Variants in PTPRT observed in about 807,000 individuals in gnomAD.
The protein encoded by PTPRT is receptor-type tyrosine-protein phosphatase T.
A neutral mutation model predicts 176.8 loss-of-function variants in PTPRT; 56 were observed. The observed-to-expected ratio is 0.32, with a 90% CI of 0.26 to 0.40. The LOEUF is 0.40. Ranked by LOEUF, PTPRT falls within the 10% of genes least tolerant of loss-of-function variation. The pLI is 1.00. For missense variants in PTPRT, 1,540 were observed against 1,908.2 expected (o/e 0.81, Z 3.60); for synonymous variants, 783 against 739.0 (o/e 1.06, Z -0.96).
chr20:43,064,735 G>A (rs939381981), intron 1 of PTPRT, among the ~76,000 whole-genome samples: 2 of 152,272 alleles, frequency 1.3e-5, no homozygotes, highest in South Asian at 2.1e-4. Flanking sequence ...CATGTCTCAA[G>A]CCACCTCTGG....
intron 5 of PTPRT, among the ~76,000 whole-genome samples, chr20:42,761,232 C>T (rs1478206287): frequency 6.6e-6 from 1 of 151,608 alleles, no homozygotes; most frequent in East Asian, 1.9e-4. Context: ...GTAGGGAGTT[C>T]AAGACCAGCC....
intron 7 of PTPRT, among the ~76,000 whole-genome samples, chr20:42,523,980 T>C (rs1009390798): frequency 1.3e-5 from 2 of 151,762 alleles, no homozygotes; most frequent in African/African-American, 2.4e-5. Flanking sequence ...CTGGGCAAAA[T>C]AGGGAGACCC....
intron 13 of PTPRT, among the ~76,000 whole-genome samples, chr20:42,252,404 A>G (rs1456875379): frequency 6.6e-6 from 1 of 152,150 alleles, no homozygotes; most frequent in African/African-American, 2.4e-5. Context: ...TCACCCTGGG[A>G]AAGAATAAAG....
At chr20:42,086,749 A>ATATATATATATATATATATATATATATAT (rs59068856) in intron 27 of PTPRT, among the ~76,000 whole-genome samples, 1 of 75,182 alleles carries the variant, frequency 1.3e-5, no homozygotes, top group Non-Finnish European at 2.6e-5. Context: ...AAAAAAAAAA[A>ATATATATATATATATATATATATATATAT]AAAAATATAT....
chr20:42,788,974 T>C (rs1206664191), intron 3 of PTPRT, among the ~76,000 whole-genome samples: 3 of 152,220 alleles, frequency 2.0e-5, no homozygotes, highest in African/African-American at 7.2e-5. Flanking sequence ...GAAACTGAAC[T>C]TCTCATTTTA....
chr20:42,200,087 C>CTCCCTT (rs1197815659), intron 15 of PTPRT, among the ~76,000 whole-genome samples: 1 of 151,792 alleles, frequency 6.6e-6, no homozygotes, highest in African/African-American at 2.4e-5. Flanking sequence ...CACACAGAGG[C>CTCCCTT]TCAGGATCAT....
Position 42,821,282 on chromosome 20 carries a change from A to G in PTPRT, c.215-29816T>C, listed in dbSNP as rs59433247. ...ATACACAAATCAATAAATGTAATCCATCACATAAACAGAACCAAAGACAAA... is the reference window on the plus strand; with the variant it reads ...ATACACAAATCAATAAATGTAATCCGTCACATAAACAGAACCAAAGACAAA... On this transcript the variant is annotated intron_variant, in intron 2 of 30. Transcript: ENST00000373187. Among the ~76,000 whole-genome samples the G allele has an allele frequency of 2.2e-3, 332 of 152,344 alleles. 3 individuals are homozygous for G. The highest frequency in any genetic ancestry group is 7.6e-3 in the African/African-American group (318 of 41,584).
intron 3 of PTPRT, among the ~76,000 whole-genome samples, chr20:42,787,731 G>A (rs780022968): frequency 2.6e-5 from 4 of 152,156 alleles, no homozygotes; most frequent in Admixed American, 6.5e-5. Flanking sequence ...TGAAAACAAC[G>A]TTCTTCACCT....
chr20:42,124,030 G>A (rs560152762), intron 19 of PTPRT, among the ~76,000 whole-genome samples: 16 of 152,122 alleles, frequency 1.1e-4, no homozygotes, highest in South Asian at 2.1e-4. Flanking sequence ...CTGAATGTAC[G>A]CATGCTGTGT....
At chr20:42,932,855 CA>C (rs1198003790) in intron 1 of PTPRT, among the ~76,000 whole-genome samples, 1 of 152,218 alleles carries the variant, frequency 6.6e-6, no homozygotes, top group African/African-American at 2.4e-5. Flanking sequence ...GCTATTAATA[CA>C]AAGAGAAAAA....
At chr20:42,932,116 G>A (rs1430066561) in intron 1 of PTPRT, among the ~76,000 whole-genome samples, 2 of 152,360 alleles carry the variant, frequency 1.3e-5, no homozygotes, top group East Asian at 1.9e-4. Flanking sequence ...ACACGACCAG[G>A]GGTGACTATG....
At chr20:42,500,380 T>A (rs1348546895) in intron 7 of PTPRT, among the ~76,000 whole-genome samples, 1 of 151,996 alleles carries the variant, frequency 6.6e-6, no homozygotes, top group African/African-American at 2.4e-5. Flanking sequence ...AATTTTATAA[T>A]TATTATATAA....
chr20:42,871,785 G>C (rs2078850958), intron 2 of PTPRT, among the ~76,000 whole-genome samples: 1 of 152,164 alleles, frequency 6.6e-6, no homozygotes, highest in African/African-American at 2.4e-5. Flanking sequence ...CCATGTATGT[G>C]AGAGCTTCAA....
At chr20:42,634,010 TAA>T (rs1298055029) in intron 7 of PTPRT, among the ~76,000 whole-genome samples, 8 of 15,964 alleles carry the variant, frequency 5.0e-4, no homozygotes, top group Admixed American at 2.3e-3. Flanking sequence ...TATATATATA[TAA>T]TATATATATA....
chr20:42,841,836 A>G (rs1339963350), intron 2 of PTPRT, among the ~76,000 whole-genome samples: 1 of 152,236 alleles, frequency 6.6e-6, no homozygotes, highest in East Asian at 1.9e-4. Flanking sequence ...CTGGAAAAGG[A>G]AAAAAGCTTC....
At chr20:42,386,782 C>T (rs2058749088) in intron 9 of PTPRT, among the ~76,000 whole-genome samples, 2 of 152,122 alleles carry the variant, frequency 1.3e-5, no homozygotes, top group East Asian at 1.9e-4. Context: ...ATTGCTTGAA[C>T]CCAGGAGGCG....
chr20:42,534,260 G>A (rs965477298), intron 7 of PTPRT, among the ~76,000 whole-genome samples: 5 of 152,156 alleles, frequency 3.3e-5, no homozygotes, highest in African/African-American at 1.2e-4. Flanking sequence ...GAACGCTTTT[G>A]AATCCTTGGC....
intron 5 of PTPRT, among the ~76,000 whole-genome samples, chr20:42,757,976 G>T (rs1427139371): frequency 2.0e-5 from 3 of 152,166 alleles, no homozygotes; most frequent in Non-Finnish European, 4.4e-5. Flanking sequence ...CTTGTTTGGG[G>T]AGTGTACAAC....
chr20:42,052,892 T>C, the PTPRT span, among the ~76,000 whole-genome samples: 1 of 152,166 alleles, frequency 6.6e-6, no homozygotes. Context: ...CAGCTACTTG[T>C]AGAACTCATA....
Sources: gnomAD v4.1 joint callset for allele counts (sites outside exome capture counted in the v4.1 genomes callset) on GRCh38, gnomAD v4.1.1 for gene constraint, MANE v1.5 for transcripts, NCBI Gene and HGNC (gene_info 2026-07-23, HGNC 2026-07-21) for gene names.